CNN1: variants seen among roughly 807,000 people sequenced by gnomAD.
The protein encoded by CNN1 is calponin-1.
Under a neutral mutation model 35.3 loss-of-function variants are expected in CNN1, and 21 were observed. The ratio of observed to expected loss-of-function variants is 0.60; its 90% CI spans 0.42 to 0.86. The LOEUF (loss-of-function observed/expected upper bound fraction) is 0.86, where lower values mean the gene tolerates loss of function less well. Among genes scored for constraint, CNN1 ranks in the 40% least tolerant of loss-of-function variants. The pLI is 0.00. For synonymous variants in CNN1, 164 were observed against 161.8 expected (o/e 1.01, Z -0.10); for missense variants, 314 against 400.8 (o/e 0.78, Z 1.85).
In CNN1 at chr19:11,549,736, C is replaced by T. The variant is rs755079830; in HGVS notation, c.835C>T (p.Pro279Ser). Residue 279 changes from proline (P) to serine (S), a missense_variant, in exon 7 of 7, where the codon CCA (proline) becomes TCA (serine). Pro to Ser is a moderately conservative substitution (Grantham distance 74, BLOSUM62 -1). Transcript: ENST00000252456. This position sits in a 1 kb window ranked among gnomAD's most constrained non-coding sequence, Gnocchi z 5.2. ...DPKYCLTPEY[P>S]ELGEPAHNHH... Reference sequence around the variant, plus strand: ...CAAGTACTGTCTGACTCCCGAGTACCCAGAGCTGGGTGAGCCCGCCCACAA... The same window carrying T: ...CAAGTACTGTCTGACTCCCGAGTACTCAGAGCTGGGTGAGCCCGCCCACAA... 1 of 1,614,168 alleles carries T rather than the reference C, an allele frequency of 6.2e-7. No homozygotes were observed. The highest frequency in any genetic ancestry group is 1.1e-5 in the South Asian group (1 of 91,084).
chr19:11,547,009 C>T, intron 4 of CNN1, 40 bp downstream of exon 4: 1 of 1,609,696 alleles, frequency 6.2e-7, no homozygotes, highest in Non-Finnish European at 8.5e-7. Flanking sequence ...TGGTGGGCAG[C>T]CTGGGCTGGG....
At chr19:11,544,342 G>C (rs8111859) in intron 2 of CNN1, among the ~76,000 whole-genome samples, 3,061 of 152,200 alleles carry the variant, frequency 0.02, 64 homozygotes, top group Admixed American at 0.049. Flanking sequence ...GTGCAAAGGC[G>C]TGAGGTAGGA....
intron 1 of CNN1, chr19:11,540,272 C>T (rs539932419): frequency 7.9e-4 from 130 of 164,454 alleles, no homozygotes; most frequent in Non-Finnish European, 1.3e-3. Context: ...CGAGATAAGA[C>T]CTAGACAAGG....
rs111663173 is a variant in CNN1 at position 11,549,496 on chromosome 19, G to A, written c.648+27G>A. On this transcript the variant is annotated intron_variant, in intron 6 of 6. Coordinates refer to ENST00000252456, the MANE Select transcript of CNN1 (RefSeq NM_001299.6). The surrounding 1 kb of genome is among the most constrained non-coding windows in gnomAD (Gnocchi z 5.2). The stretch of plus-strand genomic sequence containing the variant: ...TGAGTGGGGGCCCCCGGGACACGCC[G>A]TCAAGGCCCAGGACCCTGGCCACCC... 21,162 of 1,611,148 alleles carry A rather than the reference G, an allele frequency of 0.013. 306 individuals are homozygous for A. Among genetic ancestry groups the A allele is most frequent in the Admixed American group, 0.055 (3,271 of 59,602 alleles).
At chr19:11,543,387 GC>G (rs1972507090) in intron 2 of CNN1, among the ~76,000 whole-genome samples, 1 of 151,496 alleles carries the variant, frequency 6.6e-6, no homozygotes, top group East Asian at 1.9e-4. Context: ...GTTGATGGGT[GC>G]AGCAAACCAA....
At chr19:11,545,793 T>C (rs1599607578) in intron 2 of CNN1, among the ~76,000 whole-genome samples, 1 of 112,984 alleles carries the variant, frequency 8.9e-6, no homozygotes. Flanking sequence ...AAACCCCCTC[T>C]CTACCAAAAA....
In CNN1 at chr19:11,539,193, G is replaced by A. The variant is rs908723206; in HGVS notation, c.63+203G>A. The A allele has an allele frequency of 6.6e-5, 81 of 1,231,428 alleles. 1 individual carries two copies. The highest frequency in any genetic ancestry group is 5.8e-4 in the South Asian group (25 of 43,332). The allele number at this position is 1,231,428 out of a possible 1,614,324, so 76.3% of individuals were successfully genotyped here. Reference sequence around the variant, plus strand: ...GCTATGGTTGGGGCTGGAATGGGGGGGCACACAGCCACACATAAACAGAGG... The same window carrying A: ...GCTATGGTTGGGGCTGGAATGGGGGAGCACACAGCCACACATAAACAGAGG... On this transcript the variant is annotated intron_variant, in intron 1 of 6. Transcript: ENST00000252456.
chr19:11,540,629 T>C, intron 1 of CNN1: 1 of 157,606 alleles, frequency 6.3e-6, no homozygotes, highest in Non-Finnish European at 1.4e-5. Flanking sequence ...TGACCAGCAC[T>C]CCTCTGCAAG....
At position 11,550,110 on chromosome 19, in the gene CNN1, A is replaced by G. The variant is rs550989532; in HGVS notation, c.*315A>G. The G allele has an allele frequency of 6.1e-5, 17 of 280,758 alleles. No individual in the cohort carries two copies. Among genetic ancestry groups the G allele is most frequent in the African/African-American group, 3.7e-4 (17 of 45,716 alleles). The allele number at this position is 280,758 out of a possible 1,614,324, so 17.4% of individuals were successfully genotyped here. ...ACAAGTGGGTACCCCCAGGACCAGA[A>G]GCTCCCCCAGCAAAGCCCCCAGAGC... On this transcript the variant is annotated 3_prime_UTR_variant, in exon 7 of 7. Coordinates refer to ENST00000252456, the MANE Select transcript of CNN1 (RefSeq NM_001299.6).
At chr19:11,539,180 G>A in intron 1 of CNN1, 190 bp downstream of exon 1, 4 of 1,203,172 alleles carry the variant, frequency 3.3e-6, no homozygotes, top group Non-Finnish European at 4.3e-6. Context: ...TATGGTTGGG[G>A]CTGGAATGGG....
chr19:11,539,934 C>G (rs1972421853), intron 1 of CNN1: 2 of 1,109,378 alleles, frequency 1.8e-6, no homozygotes, highest in South Asian at 1.9e-5. Context: ...ATAAGGCGGC[C>G]TCGGGGAGCC....
chr19:11,543,731 C>T (rs560074461), intron 2 of CNN1, among the ~76,000 whole-genome samples: 2 of 144,418 alleles, frequency 1.4e-5, no homozygotes, highest in East Asian at 2.0e-4. Context: ...TGCAGTGAGC[C>T]GAGATCCCAC....
rs181460406 is a variant in CNN1, at chr19:11,539,188, G to T, written c.63+198G>T. On this transcript the variant is annotated intron_variant, in intron 1 of 6. Coordinates refer to ENST00000252456, the MANE Select transcript of CNN1 (RefSeq NM_001299.6). ...CCCCAGCTATGGTTGGGGCTGGAAT[G>T]GGGGGGCACACAGCCACACATAAAC... The T allele has an allele frequency of 1.5e-4, 181 of 1,204,372 alleles. 1 individual carries two copies. In the Admixed American group the frequency reaches 6.2e-3, roughly 41 times the overall value. 74.6% of individuals were successfully genotyped at this position (1,204,372 alleles called of 1,614,324 possible).
At position 11,546,815 on chromosome 19, in the gene CNN1, C is replaced by T. The variant is rs1415095016; in HGVS notation, c.253-17C>T. The T allele has an allele frequency of 6.2e-7, 1 of 1,614,240 alleles. No individual in the cohort carries two copies. The highest frequency in any genetic ancestry group is 8.5e-7 in the Non-Finnish European group (1 of 1,180,028). ...CCTCCCCTCCCCACCCAGTGACCAC[C>T]ACCTGCCCCCCTCTAGCTGGAGAAC... On this transcript the variant is annotated splice_polypyrimidine_tract_variant and intron_variant, in intron 3 of 6. Transcript: ENST00000252456.
At chr19:11,539,881 C>T in intron 1 of CNN1, 1 of 1,163,724 alleles carries the variant, frequency 8.6e-7, no homozygotes, top group Non-Finnish European at 1.1e-6. Flanking sequence ...CCCCCAGCGC[C>T]GGCCCCAGAG....
intron 2 of CNN1, among the ~76,000 whole-genome samples, chr19:11,542,901 C>A (rs987324439): frequency 1.3e-5 from 2 of 152,180 alleles, no homozygotes; most frequent in African/African-American, 4.8e-5. Flanking sequence ...CATAGCAGGG[C>A]CCTAAACCCA....
rs2145024948 is a variant in CNN1, at chr19:11,539,902, C to G, written c.63+912C>G. 7.0e-6 allele frequency: 8 copies of G among 1,138,542 alleles called. No homozygotes were observed. The South Asian group carries it at 1.2e-4, about 17-fold the overall frequency. The allele number at this position is 1,138,542 out of a possible 1,614,324, so 70.5% of individuals were successfully genotyped here. On this transcript the variant is annotated intron_variant, in intron 1 of 6. Coordinates refer to ENST00000252456, the MANE Select transcript of CNN1 (RefSeq NM_001299.6). ...GCGCCGGCCCCAGAGCCGCGCAGAG[C>G]CGCGCAGAGACGCCGCGCCTTATAA... is the stretch of plus-strand genomic sequence containing the variant.
chr19:11,539,107 GA>G, intron 1 of CNN1, 117 bp downstream of exon 1: 5 of 1,096,510 alleles, frequency 4.6e-6, no homozygotes, highest in Non-Finnish European at 4.9e-6. Context: ...ACTGAGAGGG[GA>G]AAAGGGAGTG....
At chr19:11,548,410 G>A (rs539215127) in intron 5 of CNN1, among the ~76,000 whole-genome samples, 104 of 152,280 alleles carry the variant, frequency 6.8e-4, no homozygotes, top group African/African-American at 2.4e-3. Context: ...TTAGCCAAAT[G>A]CAGTGGTGTC....
Sources: allele counts gnomAD v4.1 joint callset (sites outside exome capture counted in the v4.1 genomes callset), GRCh38; gene constraint gnomAD v4.1.1; non-coding constraint Gnocchi (gnomAD v3.1); transcripts MANE v1.5; gene names NCBI Gene and HGNC (gene_info 2026-07-23, HGNC 2026-07-21).